The following KCNV1 variants were observed in gnomAD, a reference collection of about 807,000 sequenced individuals.
KCNV1 encodes potassium voltage-gated channel modifier subfamily V member 1.
A neutral mutation model predicts 36.4 loss-of-function variants in KCNV1; 2 were observed. The ratio of observed to expected loss-of-function variants is 0.05; its 90% CI spans 0.02 to 0.17. KCNV1 has a LOEUF of 0.17. Among genes scored for constraint, KCNV1 ranks in the 10% least tolerant of loss-of-function variants. The pLI is 1.00. For synonymous variants in KCNV1, 280 were observed against 261.1 expected (o/e 1.07, Z -0.70); for missense variants, 321 against 643.6 (o/e 0.50, Z 5.42).
At chr8:109,969,026 T>A (rs2130896055) in intron 3 of KCNV1, among the ~76,000 whole-genome samples, 1 of 152,294 alleles carries the variant, frequency 6.6e-6, no homozygotes, top group Non-Finnish European at 1.5e-5. Flanking sequence ...ATTTTAGCAC[T>A]TGTTTCAAAT....
Position 109,965,478 on chromosome 8 carries a change from T to C in KCNV1, c.*2610A>G, listed in dbSNP as rs894381839. On this transcript the variant is annotated 3_prime_UTR_variant, in exon 4 of 4. Coordinates refer to ENST00000524391, the MANE Select transcript of KCNV1 (RefSeq NM_014379.4). ...ATGATATTTTATTTAACAGCAAAAT[T>C]GAGTAAGCAATGATATTTTAAAACT... 6.6e-6 allele frequency: 1 copy of C among 152,080 alleles called. No individual in the cohort carries two copies. Among genetic ancestry groups the C allele is most frequent in the Non-Finnish European group, 1.5e-5 (1 of 68,000 alleles). 9.4% of individuals were successfully genotyped at this position (152,080 alleles called of 1,614,324 possible).
chr8:109,969,511 G>A (rs1819984084), intron 3 of KCNV1, among the ~76,000 whole-genome samples: 1 of 152,062 alleles, frequency 6.6e-6, no homozygotes, highest in South Asian at 2.1e-4. Context: ...AACCACGATA[G>A]TCCAATTCCG....
At position 109,963,665 on chromosome 8, in the gene KCNV1, T is replaced by G. The variant is rs532956610; in HGVS notation, c.*4423A>C. The G allele has an allele frequency of 6.6e-6, 1 of 152,208 alleles. No homozygotes were observed. 9.4% of individuals were successfully genotyped at this position (152,208 alleles called of 1,614,324 possible). On this transcript the variant is annotated 3_prime_UTR_variant, in exon 4 of 4. Transcript: ENST00000524391. ...TTTTCTGCAACAGCTAATCAAAATATTTTAATAAGCATAAGAATTCCACAT... is the reference window on the plus strand; with the variant it reads ...TTTTCTGCAACAGCTAATCAAAATAGTTTAATAAGCATAAGAATTCCACAT...
In KCNV1 at chr8:109,974,431, G is replaced by C. The variant is rs1478730695; in HGVS notation, c.-43C>G. The C allele has an allele frequency of 2.2e-6, 3 of 1,358,880 alleles. No individual in the cohort carries two copies. In the African/African-American group the frequency reaches 4.4e-5, roughly 20 times the overall value. The allele number at this position is 1,358,880 out of a possible 1,614,324, so 84.2% of individuals were successfully genotyped here. ...CGGCCTGAGGGCGCCACAAAGTTGG[G>C]GACACGCCGGAAGCTTTGGTCCCGC... On this transcript the variant is annotated 5_prime_UTR_variant, in exon 2 of 4. Coordinates refer to ENST00000524391, the MANE Select transcript of KCNV1 (RefSeq NM_014379.4). This position sits in a 1 kb window ranked among gnomAD's most constrained non-coding sequence, Gnocchi z 6.2.
rs1819971086 is a variant in KCNV1 at position 109,968,586 on chromosome 8, A to G, written c.1005T>C (p.Leu335=). The G allele has an allele frequency of 1.3e-6, 2 of 1,586,318 alleles. No individual in the cohort carries two copies. Among genetic ancestry groups the G allele is most frequent in the South Asian group, 1.1e-5 (1 of 88,656 alleles). Residue 335 remains leucine, a synonymous_variant, in exon 4 of 4, where the codon CTT becomes CTC. Coordinates refer to ENST00000524391, the MANE Select transcript of KCNV1 (RefSeq NM_014379.4). This position sits in a 1 kb window ranked among gnomAD's most constrained non-coding sequence, Gnocchi z 5.3. ...CGTAACACTGGGTGATTGTCATCCC[A>G]AGGGAGCGTAATCCTGCAACAGAAC... ...LGRHSTGLRS[L]GMTITQCYEE... is the part of the protein sequence containing the mutation.
At chr8:109,973,472 C>A (rs968786820) in intron 2 of KCNV1, among the ~76,000 whole-genome samples, 1 of 152,086 alleles carries the variant, frequency 6.6e-6, no homozygotes, top group African/African-American at 2.4e-5. Context: ...CCTCAGAGTT[C>A]CACAATCATT....
Position 109,972,480 on chromosome 8 carries a change from A to G in KCNV1, c.769T>C (p.Phe257Leu), listed in dbSNP as rs1177815779. 1 of 1,613,904 alleles carries G rather than the reference A, an allele frequency of 6.2e-7. No individual in the cohort carries two copies. The highest frequency in any genetic ancestry group is 8.5e-7 in the Non-Finnish European group (1 of 1,180,020). Residue 257 changes from phenylalanine to leucine, a missense_variant, in exon 3 of 4, where the codon TTT becomes CTT. Transcript: ENST00000524391. The surrounding 1 kb of genome is among the most constrained non-coding windows in gnomAD (Gnocchi z 5.2). ...CGCACACACAGGAAGCGGAGGACAA[A>G]CTCCCCGGTGAACCAGCTAATGCAC... ...YVCISWFTGE[F>L]VLRFLCVRDR...
chr8:109,967,642 T>C lies in KCNV1; in HGVS notation c.*446A>G, dbSNP rs17468410. The C allele has an allele frequency of 0.017, 2,727 of 160,850 alleles. 40 individuals carry two copies. Among genetic ancestry groups the C allele is most frequent in the Admixed American group, 0.045 (769 of 17,012 alleles). The allele number at this position is 160,850 out of a possible 1,614,324, so 10.0% of individuals were successfully genotyped here. A position where few individuals can be genotyped will look rare whatever the true frequency, so the allele number is the denominator to read the frequency against. On this transcript the variant is annotated 3_prime_UTR_variant, in exon 4 of 4. Transcript: ENST00000524391. ...ATAGAGAACGGAGTAATTTATGTAC[T>C]TGGATAATATCTTTAAATAGCAAAG...
Position 109,972,316 on chromosome 8 carries a change from G to A in KCNV1, c.933C>T (p.Val311=), listed in dbSNP as rs756799710. Reference sequence around the variant, plus strand: ...GAGCCCTGAGCAGCCTCAACACCTGGACAATGCGCCCCACGTTCTCCAGCT... The same window carrying A: ...GAGCCCTGAGCAGCCTCAACACCTGAACAATGCGCCCCACGTTCTCCAGCT... ...TQELENVGRI[V]QVLRLLRALR... is the part of the protein sequence containing the mutation. Residue 311 remains valine (V), a synonymous_variant, in exon 3 of 4, where the codon GTC becomes GTT. Coordinates refer to ENST00000524391, the MANE Select transcript of KCNV1 (RefSeq NM_014379.4). This position sits in a 1 kb window ranked among gnomAD's most constrained non-coding sequence, Gnocchi z 5.2. The A allele has an allele frequency of 1.7e-5, 27 of 1,613,998 alleles. No individual in the cohort carries two copies. The South Asian group carries it at 3.0e-4, about 18-fold the overall frequency.
chr8:109,970,352 G>A (rs1268951905), intron 3 of KCNV1, among the ~76,000 whole-genome samples: 1 of 152,154 alleles, frequency 6.6e-6, no homozygotes, highest in Non-Finnish European at 1.5e-5. Context: ...AAGGCAAAAT[G>A]TTCAAAACAA....
rs540255393 is a variant in KCNV1 at position 109,966,749 on chromosome 8, C to G, written c.*1339G>C. ...ATGTTTATTTCTTATCACCATTCAC[C>G]CCTGGCAAAGAGCCTTCTAGGCTTT... On this transcript the variant is annotated 3_prime_UTR_variant, in exon 4 of 4. Coordinates refer to ENST00000524391, the MANE Select transcript of KCNV1 (RefSeq NM_014379.4). The G allele has an allele frequency of 6.6e-6, 1 of 152,086 alleles. No homozygotes were observed. The highest frequency in any genetic ancestry group is 6.5e-5 in the Admixed American group (1 of 15,280). The allele number at this position is 152,086 out of a possible 1,614,324, so 9.4% of individuals were successfully genotyped here. A position where few individuals can be genotyped will look rare whatever the true frequency, so the allele number is the denominator to read the frequency against.
intron 3 of KCNV1, among the ~76,000 whole-genome samples, chr8:109,971,370 G>A (rs1172186122): frequency 1.3e-5 from 2 of 152,012 alleles, no homozygotes; most frequent in East Asian, 3.9e-4. Flanking sequence ...TTTTCATTAA[G>A]GTATGTCATA....
Position 109,972,741 on chromosome 8 carries a change from CCTT to C in KCNV1, c.505_507del (p.Lys169del), listed in dbSNP as rs762804716. On this transcript the variant is annotated inframe_deletion, in exon 3 of 4. Coordinates refer to ENST00000524391, the MANE Select transcript of KCNV1 (RefSeq NM_014379.4). This position sits in a 1 kb window ranked among gnomAD's most constrained non-coding sequence, Gnocchi z 5.2. ...TGTTGACTTTCCTGGTCTTCTGTGTCCTTCTTGAAGTCTAAAGTTTCACTCAGC... is the reference window on the plus strand; with the variant it reads ...TGTTGACTTTCCTGGTCTTCTGTGTCCTTGAAGTCTAAAGTTTCACTCAGC... 7 of 1,613,582 alleles carry C rather than the reference CCTT, an allele frequency of 4.3e-6. No homozygotes were observed. The highest frequency in any genetic ancestry group is 5.9e-6 in the Non-Finnish European group (7 of 1,179,866).
Position 109,972,712 on chromosome 8 carries a change from C to G in KCNV1, c.537G>C (p.Glu179Asp), listed in dbSNP as rs1820026449. The change falls in exon 3 of 4, where the codon GAG becomes GAC. Residue 179 changes from glutamate to aspartate, a missense_variant. Physicochemically the swap from Glu to Asp is conservative, Grantham distance 45. Around this residue, in one of 5 missense-constraint regions of KCNV1, gnomAD observed 141 missense variants for 225.0 expected, o/e 0.63. Transcript: ENST00000524391. The surrounding 1 kb of genome is among the most constrained non-coding windows in gnomAD (Gnocchi z 5.2). Reference protein sequence around the residue: ...KDTEDQESQHESEQDFSQGPC... With the variant: ...KDTEDQESQHDSEQDFSQGPC... ...GTCCTTGGGAGAAGTCCTGTTCACT[C>G]TCATGTTGACTTTCCTGGTCTTCTG... 13 of 1,614,070 alleles carry G rather than the reference C, an allele frequency of 8.1e-6. No individual in the cohort carries two copies. Among genetic ancestry groups the G allele is most frequent in the Non-Finnish European group, 5.9e-6 (7 of 1,180,012 alleles).
At chr8:109,975,386 A>T (rs1184770465) in intron 1 of KCNV1, among the ~76,000 whole-genome samples, 194 bp from the exon 2 acceptor site, 1 of 152,156 alleles carries the variant, frequency 6.6e-6, no homozygotes. Context: ...TTCTGAGCAC[A>T]GCGGAGCTCT....
chr8:109,969,596 C>T (rs1262927365), intron 3 of KCNV1, among the ~76,000 whole-genome samples: 2 of 152,084 alleles, frequency 1.3e-5, no homozygotes, highest in African/African-American at 2.4e-5. Flanking sequence ...CCTATAATCT[C>T]AGCACTTTGG....
Position 109,968,717 on chromosome 8 carries a change from C to T in KCNV1, c.992-118G>A. The T allele has an allele frequency of 1.0e-6, 1 of 978,804 alleles. No homozygotes were observed. The highest frequency in any genetic ancestry group is 2.7e-5 in the Admixed American group (1 of 36,614). 60.6% of individuals were successfully genotyped at this position (978,804 alleles called of 1,614,324 possible). ...AAACTGCACTGCACACTTAAATGTC[C>T]CCAGCACTGGGCAATGTTCTGGGGA... On this transcript the variant is annotated intron_variant, in intron 3 of 3. Transcript: ENST00000524391. This position sits in a 1 kb window ranked among gnomAD's most constrained non-coding sequence, Gnocchi z 5.3.
At chr8:109,973,499 C>T (rs943037522) in intron 2 of KCNV1, among the ~76,000 whole-genome samples, 1 of 152,104 alleles carries the variant, frequency 6.6e-6, no homozygotes, top group African/African-American at 2.4e-5. Context: ...AGGGACCAAC[C>T]TTTTATCTTC....
chr8:109,974,631 G>T lies in KCNV1; in HGVS notation c.-243C>A. ...GCAGAAAGAGGAGACAGGGAGCAGA[G>T]GAAGGGTCGCGCTAAGAGAGAGGAT... On this transcript the variant is annotated 5_prime_UTR_variant, in exon 2 of 4. Transcript: ENST00000524391. This position sits in a 1 kb window ranked among gnomAD's most constrained non-coding sequence, Gnocchi z 6.2. The T allele has an allele frequency of 3.5e-6, 2 of 569,798 alleles. No individual in the cohort carries two copies. The highest frequency in any genetic ancestry group is 4.4e-5 in the South Asian group (2 of 45,584). The allele number at this position is 569,798 out of a possible 1,614,324, so 35.3% of individuals were successfully genotyped here.
Sources: gnomAD v4.1 joint callset for allele counts (sites outside exome capture counted in the v4.1 genomes callset) on GRCh38, gnomAD v4.1.1 for gene constraint, gnomAD v4.1.1 regional missense constraint, Gnocchi (gnomAD v3.1) non-coding constraint, MANE v1.5 for transcripts, NCBI Gene and HGNC (gene_info 2026-07-23, HGNC 2026-07-21) for gene names.